The following GCNT4 variants were observed in gnomAD, a reference collection of about 807,000 sequenced individuals.
GCNT4 encodes glucosaminyl (N-acetyl) transferase 4, also known as beta-1,3-galactosyl-O-glycosyl-glycoprotein beta-1,6-N-acetylglucosaminyltransferase 4.
A neutral mutation model predicts 31.3 loss-of-function variants in GCNT4; 17 were observed. The ratio of observed to expected loss-of-function variants is 0.54; its 90% CI spans 0.37 to 0.81. GCNT4 has a LOEUF of 0.81. Among genes scored for constraint, GCNT4 ranks in the 40% least tolerant of loss-of-function variants. GCNT4 has a pLI of 0.00. For synonymous variants in GCNT4, 158 were observed against 190.6 expected (o/e 0.83, Z 1.41); for missense variants, 503 against 525.5 (o/e 0.96, Z 0.42).
upstream of GCNT4, among the ~76,000 whole-genome samples, chr5:75,053,917 T>A (rs1427551729): frequency 3.9e-5 from 6 of 152,068 alleles, no homozygotes; most frequent in African/African-American, 1.4e-4. Context: ...TTGCCCAAAG[T>A]CGCTCACAAG....
the GCNT4 span, among the ~76,000 whole-genome samples, chr5:75,017,737 C>T: frequency 4.6e-5 from 7 of 152,282 alleles, no homozygotes; most frequent in African/African-American, 1.4e-4. Flanking sequence ...CCATGCCGCA[C>T]CTTCCGCCCG....
At chr5:75,030,391 G>A (rs1442031111) in intron 3 of GCNT4, 1 of 199,278 alleles carries the variant, frequency 5.0e-6, no homozygotes, top group Non-Finnish European at 1.1e-5. Flanking sequence ...GAGGTCTAGA[G>A]AACTGGATGT....
chr5:75,046,584 A>G (rs1743444337), intron 3 of GCNT4, among the ~76,000 whole-genome samples: 1 of 152,188 alleles, frequency 6.6e-6, no homozygotes, highest in Non-Finnish European at 1.5e-5. Flanking sequence ...ACCCAAGAGC[A>G]GACAGGCTGA....
In GCNT4 at chr5:75,029,047, T is replaced by C. The variant is rs751881233; in HGVS notation, c.991A>G (p.Thr331Ala). ...CAAAAGTGCTCATCAGGAGAGTATG[T>C]GTCTTTAGACCAGGCAAAAAAGTCT... ...VQDFFAWSKD[T>A]YSPDEHFWAT... Residue 331 changes from threonine (T) to alanine (A), a missense_variant, in exon 4 of 4, where the codon ACA becomes GCA. By Grantham distance (58) the Thr-to-Ala change is moderately conservative. Coordinates refer to ENST00000652361, the MANE Select transcript of GCNT4 (RefSeq NM_001366737.1). 5 of 1,614,072 alleles carry C rather than the reference T, an allele frequency of 3.1e-6. No individual in the cohort carries two copies. The highest frequency in any genetic ancestry group is 4.2e-6 in the Non-Finnish European group (5 of 1,180,034).
chr5:75,023,151 C>G (rs1417654355), downstream of GCNT4, among the ~76,000 whole-genome samples: 3 of 152,148 alleles, frequency 2.0e-5, no homozygotes. Flanking sequence ...CAAAGTTAAG[C>G]CTTTAAGAAC....
In GCNT4 at chr5:75,029,108, T is replaced by C. The variant is rs775278194; in HGVS notation, c.930A>G (p.Ala310=). The change falls in exon 4 of 4, where the codon GCA becomes GCG. Residue 310 remains alanine (A), a synonymous_variant. Transcript: ENST00000652361. ...VGSAYFVLSQ[A]FVKYIFNNSI... ...AGTTGTTGAAAATATATTTAACAAA[T>C]GCTTGACTTAAAACAAAATAAGCAC... 1.9e-6 allele frequency: 3 copies of C among 1,614,096 alleles called. No individual in the cohort carries two copies. The highest frequency in any genetic ancestry group is 8.5e-7 in the Non-Finnish European group (1 of 1,179,992).
rs545342576 is a variant in GCNT4, at chr5:75,025,644, C to A, written c.*3032G>T. The A allele has an allele frequency of 1.1e-4, 16 of 152,250 alleles. No individual in the cohort carries two copies. Among genetic ancestry groups the A allele is most frequent in the Admixed American group, 5.9e-4 (9 of 15,292 alleles). 9.4% of individuals were successfully genotyped at this position (152,250 alleles called of 1,614,324 possible). A position where few individuals can be genotyped will look rare whatever the true frequency, so the allele number is the denominator to read the frequency against. On this transcript the variant is annotated 3_prime_UTR_variant, in exon 4 of 4. Coordinates refer to ENST00000652361, the MANE Select transcript of GCNT4 (RefSeq NM_001366737.1). ...CATTTTTATTTTCCATGAAATATGT[C>A]AAAATATATGCAAGTATATCTTCAC...
At chr5:75,036,155 G>GA (rs536937170) in intron 3 of GCNT4, among the ~76,000 whole-genome samples, 9,126 of 143,370 alleles carry the variant, frequency 0.064, 866 homozygotes, top group African/African-American at 0.21. Flanking sequence ...GTATTTACTT[G>GA]AAAAAAAAAA....
intron 3 of GCNT4, among the ~76,000 whole-genome samples, chr5:75,033,416 G>C (rs1743119790): frequency 6.6e-6 from 1 of 152,198 alleles, no homozygotes; most frequent in South Asian, 2.1e-4. Context: ...TGGCTCAGGG[G>C]CCCACATCTG....
intron 1 of GCNT4, 69 bp from the exon 2 acceptor site, chr5:75,052,296 A>C (rs1743591556): frequency 6.6e-6 from 1 of 151,990 alleles, no homozygotes; most frequent in African/African-American, 2.4e-5. Flanking sequence ...AAGTGCCCCA[A>C]GGCCAATATC....
At chr5:75,039,531 CAT>C (rs1037210376) in intron 3 of GCNT4, among the ~76,000 whole-genome samples, 2 of 152,186 alleles carry the variant, frequency 1.3e-5, no homozygotes, top group Non-Finnish European at 2.9e-5. Context: ...TACCTTAGTT[CAT>C]ATAGCTAGTA....
At chr5:75,040,004 T>C (rs1232318392) in intron 3 of GCNT4, among the ~76,000 whole-genome samples, 1 of 152,154 alleles carries the variant, frequency 6.6e-6, no homozygotes, top group Non-Finnish European at 1.5e-5. Flanking sequence ...CTACTCTGTC[T>C]TTCTCATAAA....
rs1209260229 is a variant in GCNT4 at position 75,026,274 on chromosome 5, T to C, written c.*2402A>G. ...TTTGTTTTTCAGCATTTACGTTTAT[T>C]CTGATGAGCAAAGGCATAAAAACCA... On this transcript the variant is annotated 3_prime_UTR_variant, in exon 4 of 4. Transcript: ENST00000652361. The C allele has an allele frequency of 2.0e-5, 3 of 152,202 alleles. No homozygotes were observed. Among genetic ancestry groups the C allele is most frequent in the Non-Finnish European group, 4.4e-5 (3 of 68,042 alleles). The allele number at this position is 152,202 out of a possible 1,614,324, so 9.4% of individuals were successfully genotyped here. A position where few individuals can be genotyped will look rare whatever the true frequency, so the allele number is the denominator to read the frequency against.
At chr5:75,035,246 T>G (rs1580239264) in intron 3 of GCNT4, among the ~76,000 whole-genome samples, 1 of 152,268 alleles carries the variant, frequency 6.6e-6, no homozygotes, top group East Asian at 1.9e-4. Context: ...GCTCTTCAAC[T>G]AACTCTTCTT....
chr5:75,028,702 C>A lies in GCNT4; in HGVS notation c.1336G>T (p.Asp446Tyr). 1 of 1,612,390 alleles carries A rather than the reference C, an allele frequency of 6.2e-7. No individual in the cohort carries two copies. The highest frequency in any genetic ancestry group is 8.5e-7 in the Non-Finnish European group (1 of 1,179,420). ...CATGATGTGGTAGTGAGATTTCTATCCATAAATAACTTTTCTGAGGGCAAA... is the reference window on the plus strand; with the variant it reads ...CATGATGTGGTAGTGAGATTTCTATACATAAATAACTTTTCTGAGGGCAAA... ...ITLPSEKLFM[D>Y]RNLTTTS is the part of the protein sequence containing the mutation. The change falls in exon 4 of 4, where the codon GAT becomes TAT. Residue 446 changes from aspartate (D) to tyrosine (Y), a missense_variant. Coordinates refer to ENST00000652361, the MANE Select transcript of GCNT4 (RefSeq NM_001366737.1).
rs1213105796 is a variant in GCNT4, at chr5:75,029,375, T to G, written c.663A>C (p.Lys221Asn). The change falls in exon 4 of 4, where the codon AAA becomes AAC. Residue 221 changes from lysine to asparagine, a missense_variant. Coordinates refer to ENST00000652361, the MANE Select transcript of GCNT4 (RefSeq NM_001366737.1). ...SDLLKSSIQW[K>N]YVINLCGQDF... Reference sequence around the variant, plus strand: ...CTTGCCCACACAAGTTGATAACATATTTCCACTGGATTGAAGACTTCAGAA... The same window carrying G: ...CTTGCCCACACAAGTTGATAACATAGTTCCACTGGATTGAAGACTTCAGAA... 1.2e-6 allele frequency: 2 copies of G among 1,614,198 alleles called. No homozygotes were observed. Among genetic ancestry groups the G allele is most frequent in the East Asian group, 4.5e-5 (2 of 44,876 alleles).
At chr5:75,033,230 C>T (rs1275070737) in intron 3 of GCNT4, among the ~76,000 whole-genome samples, 1 of 152,230 alleles carries the variant, frequency 6.6e-6, no homozygotes, top group Non-Finnish European at 1.5e-5. Context: ...TCTTCTGCAT[C>T]CAGGCATCCT....
intron 3 of GCNT4, among the ~76,000 whole-genome samples, chr5:75,033,245 C>T (rs1005252751): frequency 2.0e-5 from 3 of 152,240 alleles, no homozygotes; most frequent in African/African-American, 4.8e-5. Context: ...CATCCTTGCC[C>T]TTCCTGAGAA....
At chr5:75,050,125 C>T (rs4428388) in intron 2 of GCNT4, among the ~76,000 whole-genome samples, 29,613 of 152,136 alleles carry the variant, frequency 0.19, 4,348 homozygotes, top group African/African-American at 0.42. Flanking sequence ...GACCCAGGAG[C>T]TCAGCAGTCT....
Sources: allele counts gnomAD v4.1 joint callset (sites outside exome capture counted in the v4.1 genomes callset), GRCh38; gene constraint gnomAD v4.1.1; transcripts MANE v1.5; gene names NCBI Gene and HGNC (gene_info 2026-07-23, HGNC 2026-07-21).